Variants in POP1 observed in about 807,000 individuals in gnomAD.
The protein encoded by POP1 is POP1 ribonuclease P/MRP subunit.
POP1 carries 75 observed loss-of-function variants against 102.2 expected under a neutral mutation model. The observed-to-expected ratio is 0.73, with a 90% CI of 0.61 to 0.89. The LOEUF (loss-of-function observed/expected upper bound fraction) is 0.89. POP1 is among the 40% of genes least tolerant of loss of function. The pLI is 0.00. For synonymous variants in POP1, 436 were observed against 464.1 expected (o/e 0.94, Z 0.78); for missense variants, 1,116 against 1,267.4 (o/e 0.88, Z 1.81).
chr8:98,146,908 T>A (rs1178255579), intron 12 of POP1, among the ~76,000 whole-genome samples: 2 of 152,248 alleles, frequency 1.3e-5, no homozygotes, highest in Non-Finnish European at 2.9e-5. Context: ...ATAAGGATCT[T>A]GTCTATTATC....
chr8:98,138,939 A>G (rs1013023203), intron 9 of POP1, among the ~76,000 whole-genome samples: 7 of 143,492 alleles, frequency 4.9e-5, no homozygotes, highest in African/African-American at 1.3e-4. Flanking sequence ...TGCAACCTCC[A>G]CCTCTCAGGT....
chr8:98,124,694 A>G (rs754545369), intron 2 of POP1, among the ~76,000 whole-genome samples: 33 of 152,240 alleles, frequency 2.2e-4, no homozygotes, highest in Admixed American at 2.0e-4. Flanking sequence ...ACTATAAATA[A>G]TGAAAATTGG....
At chr8:98,125,191 T>G (rs1319752038) in intron 2 of POP1, among the ~76,000 whole-genome samples, 2 of 147,316 alleles carry the variant, frequency 1.4e-5, no homozygotes, top group Non-Finnish European at 3.0e-5. Flanking sequence ...TTTTTTTTTT[T>G]TTTTTTTTTT....
intron 14 of POP1, among the ~76,000 whole-genome samples, chr8:98,153,263 C>A (rs1809562822): frequency 6.6e-6 from 1 of 152,194 alleles, no homozygotes; most frequent in Non-Finnish European, 1.5e-5. Context: ...AGCCACTATA[C>A]CTGGCCACGT....
At chr8:98,156,834 C>T (rs1236882059) in intron 15 of POP1, among the ~76,000 whole-genome samples, 2 of 151,984 alleles carry the variant, frequency 1.3e-5, no homozygotes, top group African/African-American at 2.4e-5. Flanking sequence ...ACTATGTTCT[C>T]CTCTCAGTAT....
At chr8:98,119,735 C>G (rs1482682525) in intron 1 of POP1, among the ~76,000 whole-genome samples, 1 of 152,084 alleles carries the variant, frequency 6.6e-6, no homozygotes, top group Non-Finnish European at 1.5e-5. Flanking sequence ...CATAACTATG[C>G]CTAGCTTATT....
Position 98,126,805 on chromosome 8 carries a change from AAG to A in POP1, c.143-788_143-787del, listed in dbSNP as rs2130582873. Among the ~76,000 whole-genome samples, 2 of 152,372 alleles carry A rather than the reference AAG, an allele frequency of 1.3e-5. 1 individual carries two copies. Among genetic ancestry groups the A allele is most frequent in the Admixed American group, 1.3e-4 (2 of 15,304 alleles). On this transcript the variant is annotated intron_variant, in intron 2 of 15. Transcript: ENST00000401707. Reference sequence around the variant, plus strand: ...CTTCAGGCTGTGTATGATAAGGCGAAAGAAGTGTAATTGAATTTTGTCTTTAG... The same window carrying A: ...CTTCAGGCTGTGTATGATAAGGCGAAAAGTGTAATTGAATTTTGTCTTTAG...
chr8:98,130,869 A>G (rs1816361955), intron 5 of POP1, among the ~76,000 whole-genome samples: 1 of 152,216 alleles, frequency 6.6e-6, no homozygotes, highest in South Asian at 2.1e-4. Flanking sequence ...TTGAGAGGAC[A>G]GATTATGTTA....
At chr8:98,145,633 C>T (rs61348164) in intron 11 of POP1, among the ~76,000 whole-genome samples, 42,207 of 151,958 alleles carry the variant, frequency 0.28, 5,904 homozygotes, top group East Asian at 0.31. Flanking sequence ...AGGCTGGGCA[C>T]GGTGGCTCAC....
chr8:98,157,502 TG>T, intron 15 of POP1, 114 bp from the exon 16 acceptor site: 1 of 1,242,424 alleles, frequency 8.0e-7, no homozygotes, highest in Non-Finnish European at 1.1e-6. Context: ...ATTGTAGTTT[TG>T]ATTCTTATAT....
chr8:98,136,082 ATTTTTTAT>A (rs148544823), intron 7 of POP1, among the ~76,000 whole-genome samples: 84,426 of 151,168 alleles, frequency 0.56, 24,160 homozygotes, highest in South Asian at 0.75. Flanking sequence ...TTTATTTTTT[ATTTTTTAT>A]TTTTTTTTGA....
In POP1 at chr8:98,117,335, G is replaced by A. The variant is rs1179352774; in HGVS notation, c.-58G>A. The A allele has an allele frequency of 3.6e-6, 2 of 551,254 alleles. No individual in the cohort carries two copies. Among genetic ancestry groups the A allele is most frequent in the Non-Finnish European group, 6.5e-6 (2 of 307,568 alleles). The allele number at this position is 551,254 out of a possible 1,614,324, so 34.1% of individuals were successfully genotyped here. A position where few individuals can be genotyped will look rare whatever the true frequency, so the allele number is the denominator to read the frequency against. On this transcript the variant is annotated 5_prime_UTR_variant, in exon 1 of 16. Coordinates refer to ENST00000401707, the MANE Select transcript of POP1 (RefSeq NM_001145860.2). ...CTCTCCAGGAGCTTTGGCTCGGTGG[G>A]TACTGTCGCGGAGGCTTGTCATTCT...
In POP1 at chr8:98,133,935, C is replaced by G. The variant is rs1475669504; in HGVS notation, c.736-14C>G. 1 of 1,602,852 alleles carries G rather than the reference C, an allele frequency of 6.2e-7. No homozygotes were observed. The highest frequency in any genetic ancestry group is 1.6e-4 in the Middle Eastern group (1 of 6,062). The stretch of plus-strand genomic sequence containing the variant: ...AATTCCTAAGTACTTAATTGTGTCT[C>G]CCGCTTTGTGCAGGATTTATCCTAT... On this transcript the variant is annotated splice_polypyrimidine_tract_variant and intron_variant, in intron 5 of 15. Transcript: ENST00000401707.
At chr8:98,153,533 C>CTTTTTT (rs747984872) in intron 14 of POP1, among the ~76,000 whole-genome samples, 13,208 of 84,504 alleles carry the variant, frequency 0.16, 2,166 homozygotes, top group Non-Finnish European at 0.17. Context: ...AGTTCTGACT[C>CTTTTTT]TTTTTTTTTT....
intron 1 of POP1, among the ~76,000 whole-genome samples, chr8:98,120,294 A>G (rs1187757752): frequency 6.6e-6 from 1 of 152,198 alleles, no homozygotes; most frequent in Non-Finnish European, 1.5e-5. Context: ...GCTGTCTTTC[A>G]TTTAGTTGAA....
At chr8:98,121,665 G>C (rs375404167) in intron 1 of POP1, among the ~76,000 whole-genome samples, 1 of 150,410 alleles carries the variant, frequency 6.6e-6, no homozygotes. Context: ...CTACAGGTGC[G>C]CGCCACTGCA....
chr8:98,147,502 A>C (rs367980521), intron 12 of POP1, among the ~76,000 whole-genome samples: 1 of 152,130 alleles, frequency 6.6e-6, no homozygotes, highest in Admixed American at 6.5e-5. Context: ...CAGGATTTGG[A>C]CTGGAGATGT....
chr8:98,156,021 C>CATTGGTTCTCCTGTATGTTTTTCTTTAGA (rs1563786779), intron 14 of POP1, 29 bp from the exon 15 acceptor site: 1 of 1,573,402 alleles, frequency 6.4e-7, no homozygotes, highest in South Asian at 1.1e-5. Flanking sequence ...AATTGTTCAA[C>CATTGGTTCTCCTGTATGTTTTTCTTTAGA]ATTGGTTCTC....
At chr8:98,120,785 T>C (rs1229648248) in intron 1 of POP1, among the ~76,000 whole-genome samples, 1 of 152,168 alleles carries the variant, frequency 6.6e-6, no homozygotes, top group Non-Finnish European at 1.5e-5. Context: ...TAGCTGGGAC[T>C]ACAGGCGCCC....
Sources: gnomAD v4.1 joint callset for allele counts (sites outside exome capture counted in the v4.1 genomes callset) on GRCh38, gnomAD v4.1.1 for gene constraint, MANE v1.5 for transcripts, NCBI Gene and HGNC (gene_info 2026-07-23, HGNC 2026-07-21) for gene names.